Variants in SEC31A observed in about 807,000 individuals in gnomAD.
The protein encoded by SEC31A is protein transport protein Sec31A.
Under a neutral mutation model 151.0 loss-of-function variants are expected in SEC31A, and 70 were observed. That is an observed-to-expected ratio of 0.46 (90% confidence interval 0.38 to 0.57). The LOEUF is 0.57. Ranked by LOEUF, SEC31A falls within the 20% of genes least tolerant of loss-of-function variation. The pLI is 0.00. For missense variants in SEC31A, 1,330 were observed against 1,471.2 expected (o/e 0.90, Z 1.57); for synonymous variants, 475 against 505.9 (o/e 0.94, Z 0.82).
intron 8 of SEC31A, among the ~76,000 whole-genome samples, chr4:82,867,671 G>C (rs1045000369): frequency 1.3e-5 from 2 of 151,594 alleles, no homozygotes; most frequent in African/African-American, 2.4e-5. Flanking sequence ...TCGCTCTGTC[G>C]CCCAGGCTGG....
chr4:82,875,590 GA>G lies in SEC31A; in HGVS notation c.498+136del, dbSNP rs1411815564. 9 of 616,426 alleles carry G rather than the reference GA, an allele frequency of 1.5e-5. No homozygotes were observed. The East Asian group carries it at 2.7e-4, about 18-fold the overall frequency. 38.2% of individuals were successfully genotyped at this position (616,426 alleles called of 1,614,324 possible). ...AGAAACATATTTATTAATTACTGAA[GA>G]AAAATCAGTAATATCTAAACAATGA... On this transcript the variant is annotated intron_variant, in intron 5 of 26. Transcript: ENST00000395310.
At chr4:82,881,364 C>A (rs1739264442) in intron 2 of SEC31A, among the ~76,000 whole-genome samples, 1 of 151,752 alleles carries the variant, frequency 6.6e-6, no homozygotes, top group Non-Finnish European at 1.5e-5. Context: ...ACTTGGGAGG[C>A]TGAGGCAGGA....
At chr4:82,876,529 C>G (rs1737999748) in intron 4 of SEC31A, among the ~76,000 whole-genome samples, 1 of 152,304 alleles carries the variant, frequency 6.6e-6, no homozygotes, top group East Asian at 1.9e-4. Flanking sequence ...TCAGAAAAAG[C>G]TGAATCCTAA....
chr4:82,867,597 G>A (rs1735680552), intron 8 of SEC31A, among the ~76,000 whole-genome samples: 1 of 152,080 alleles, frequency 6.6e-6, no homozygotes, highest in Admixed American at 6.6e-5. Context: ...AATAATGGAT[G>A]CATTTGAAAG....
chr4:82,873,316 C>A (rs1737168390), intron 6 of SEC31A, among the ~76,000 whole-genome samples: 2 of 151,492 alleles, frequency 1.3e-5, no homozygotes, highest in Non-Finnish European at 1.5e-5. Flanking sequence ...TGATTGCGCC[C>A]CTACACTCCA....
rs534052142 is a variant in SEC31A at position 82,851,546 on chromosome 4, T to C, written c.2213A>G (p.Asp738Gly). 103 of 1,613,322 alleles carry C rather than the reference T, an allele frequency of 6.4e-5. No individual in the cohort carries two copies. The highest frequency in any genetic ancestry group is 8.3e-5 in the Non-Finnish European group (98 of 1,179,574). ...RKAVQLTQAM[D>G]TSTVGVLLAA... ...CAAGAGAACTCCTACAGTACTAGTGTCCATGGCTTGAGTGAGTTGCACAGC... is the reference window on the plus strand; with the variant it reads ...CAAGAGAACTCCTACAGTACTAGTGCCCATGGCTTGAGTGAGTTGCACAGC... The change falls in exon 19 of 27, where the codon GAC becomes GGC. Residue 738 changes from aspartate (D) to glycine (G), a missense_variant. Asp to Gly is a moderately conservative substitution (Grantham distance 94). Transcript: ENST00000395310.
At chr4:82,862,087 A>G (rs1486643266) in intron 13 of SEC31A, among the ~76,000 whole-genome samples, 1 of 151,034 alleles carries the variant, frequency 6.6e-6, no homozygotes, top group Non-Finnish European at 1.5e-5. Context: ...TAATTTTTGT[A>G]TTTTTAGTAG....
chr4:82,891,534 GC>G (rs1371720070), upstream of SEC31A, among the ~76,000 whole-genome samples: 2 of 152,252 alleles, frequency 1.3e-5, no homozygotes, highest in Non-Finnish European at 2.9e-5. Flanking sequence ...GGCGTCGGCA[GC>G]CCCTGGCGAC....
At chr4:82,844,056 T>C in intron 21 of SEC31A, 4 of 299,918 alleles carry the variant, frequency 1.3e-5, no homozygotes, top group Non-Finnish European at 1.2e-5. Flanking sequence ...TCATCTTGCC[T>C]GAAGAAAAAG....
intron 4 of SEC31A, among the ~76,000 whole-genome samples, chr4:82,876,037 C>T (rs1256062810): frequency 1.3e-5 from 2 of 150,116 alleles, no homozygotes; most frequent in Admixed American, 1.3e-4. Flanking sequence ...TTAACAAAGA[C>T]AAAAGATGTC....
At chr4:82,897,807 CAATA>C (rs1249543360) in intron 3 of SEC31A, 1 of 151,854 alleles carries the variant, frequency 6.6e-6, no homozygotes, top group Non-Finnish European at 1.5e-5. Context: ...AGTAACTGGC[CAATA>C]AATAAATATC....
chr4:82,890,450 G>A (rs967363875), intron 1 of SEC31A, among the ~76,000 whole-genome samples: 15 of 152,092 alleles, frequency 9.9e-5, no homozygotes, highest in African/African-American at 3.1e-4. Flanking sequence ...AATTCCTTAA[G>A]CGCAAGAAAA....
chr4:82,848,652 A>G (rs1327735128), intron 20 of SEC31A, 152 bp downstream of exon 20: 1 of 576,818 alleles, frequency 1.7e-6, no homozygotes, highest in African/African-American at 1.9e-5. Context: ...GATCACAAAT[A>G]CAACTTCAAG....
chr4:82,823,234 C>T (rs987839549), intron 25 of SEC31A, among the ~76,000 whole-genome samples: 3 of 152,192 alleles, frequency 2.0e-5, no homozygotes, highest in African/African-American at 7.2e-5. Context: ...GTCTTCCCAA[C>T]CTCTCTATAC....
Position 82,851,432 on chromosome 4 carries a change from T to C in SEC31A, c.2327A>G (p.Gln776Arg). 2 of 1,609,374 alleles carry C rather than the reference T, an allele frequency of 1.2e-6. No homozygotes were observed. The highest frequency in any genetic ancestry group is 1.7e-6 in the Non-Finnish European group (2 of 1,177,566). ...ACAAAAATGGTCAATTCTAATTACC[T>C]GGTTGGTGTTGTCAGGAAGAAAAGC... is the stretch of plus-strand genomic sequence containing the variant. Reference protein sequence around the residue: ...ALAFLPDNTNQPNIMQLRDRL... With the variant: ...ALAFLPDNTNRPNIMQLRDRL... Residue 776 changes from glutamine to arginine, a missense_variant and splice_region_variant, in exon 19 of 27, where the codon CAG becomes CGG. Physicochemically the swap from Gln to Arg is conservative, Grantham distance 43. Coordinates refer to ENST00000395310, the MANE Select transcript of SEC31A (RefSeq NM_001077207.4).
intron 1 of SEC31A, chr4:82,890,798 T>C (rs992173446): frequency 2.7e-5 from 35 of 1,289,094 alleles, no homozygotes; most frequent in Non-Finnish European, 3.1e-5. Flanking sequence ...AAACTCCAGT[T>C]ACCAGCCCGG....
chr4:82,870,329 C>T lies in SEC31A; in HGVS notation c.878G>A (p.Gly293Glu). The T allele has an allele frequency of 6.2e-7, 1 of 1,611,730 alleles. No homozygotes were observed. Among genetic ancestry groups the T allele is most frequent in the Non-Finnish European group, 8.5e-7 (1 of 1,177,828 alleles). Reference protein sequence around the residue: ...AKILCSNPNTGEVLYELPTNT... With the variant: ...AKILCSNPNTEEVLYELPTNT... ...AGACACATTTCCTGCCCATACCTCT[C>T]CTGTGTTTGGATTGGAGCAGAGAAT... Residue 293 changes from glycine to glutamate, a missense_variant, in exon 8 of 27, where the codon GGA becomes GAA. Physicochemically the swap from Gly to Glu is moderately conservative, Grantham distance 98. Transcript: ENST00000395310.
At chr4:82,835,548 G>A (rs1354660390) in intron 22 of SEC31A, among the ~76,000 whole-genome samples, 2 of 152,230 alleles carry the variant, frequency 1.3e-5, no homozygotes, top group Non-Finnish European at 2.9e-5. Flanking sequence ...TGTAATCCCA[G>A]TATTTGGGAG....
In SEC31A at chr4:82,823,214, T is replaced by C. The variant is rs371528302; in HGVS notation, c.3411+1341A>G. Among the ~76,000 whole-genome samples the C allele has an allele frequency of 2.9e-4, 44 of 152,348 alleles. No individual in the cohort carries two copies. In the East Asian group the frequency reaches 2.9e-3, roughly 10 times the overall value. On this transcript the variant is annotated intron_variant, in intron 25 of 26. Coordinates refer to ENST00000395310, the MANE Select transcript of SEC31A (RefSeq NM_001077207.4). ...ACAAAAAATGTATTGAGTTGGGCCATGTATTACGTGTCTTCCCAACCTCTC... is the reference window on the plus strand; with the variant it reads ...ACAAAAAATGTATTGAGTTGGGCCACGTATTACGTGTCTTCCCAACCTCTC...
Sources: allele counts gnomAD v4.1 joint callset (sites outside exome capture counted in the v4.1 genomes callset), GRCh38; gene constraint gnomAD v4.1.1; transcripts MANE v1.5; gene names NCBI Gene and HGNC (gene_info 2026-07-23, HGNC 2026-07-21).